Variants in CASK observed in about 807,000 individuals in gnomAD.
The protein encoded by CASK is calcium/calmodulin dependent serine protein kinase.
A neutral mutation model predicts 82.9 loss-of-function variants in CASK; 4 were observed. That is an observed-to-expected ratio of 0.05 (90% CI 0.02 to 0.11). CASK has a LOEUF of 0.11. Ranked by LOEUF, CASK falls within the 10% of genes least tolerant of loss-of-function variation. CASK has a pLI of 1.00. For synonymous variants in CASK, 259 were observed against 253.5 expected, an observed-to-expected ratio of 1.02 and a Z score of -0.20; for missense variants, 358 against 720.9, an observed-to-expected ratio of 0.50 and a Z score of 5.76.
Position 41,811,105 on chromosome X carries a change from A to G in CASK, c.173-23822T>C, listed in dbSNP as rs1261523461. Reference sequence around the variant, plus strand: ...AGCAAGTCCTTAGAGACCTACAAAGAGACTTAGACTCCCACACAATAATAA... The same window carrying G: ...AGCAAGTCCTTAGAGACCTACAAAGGGACTTAGACTCCCACACAATAATAA... On this transcript the variant is annotated intron_variant, in intron 2 of 26. Coordinates refer to ENST00000378163, the MANE Select transcript of CASK (RefSeq NM_001367721.1). Among the ~76,000 whole-genome samples the G allele has an allele frequency of 3.6e-5, 4 of 111,482 alleles. 1 individual carries two copies. The highest frequency in any genetic ancestry group is 7.5e-5 in the Non-Finnish European group (4 of 53,091).
At chrX:41,528,594 C>T (rs2064748378) in intron 25 of CASK, among the ~76,000 whole-genome samples, 1 of 112,500 alleles carries the variant, frequency 8.9e-6, no homozygotes. Flanking sequence ...TTCATCCTCA[C>T]CATCTTGTCT....
intron 8 of CASK, among the ~76,000 whole-genome samples, chrX:41,643,786 C>T (rs924571932): frequency 9.0e-6 from 1 of 111,608 alleles, no homozygotes; most frequent in African/African-American, 3.3e-5. Context: ...GCCTGATTGC[C>T]CTGGCCAGAA....
chrX:41,610,609 GT>G (rs1018348388), intron 11 of CASK, among the ~76,000 whole-genome samples: 4 of 110,769 alleles, frequency 3.6e-5, no homozygotes, highest in African/African-American at 9.9e-5. Context: ...TTCTCATTCT[GT>G]TTTACTCTTA....
intron 3 of CASK, among the ~76,000 whole-genome samples, chrX:41,774,113 A>T (rs2069302636): frequency 8.9e-6 from 1 of 111,759 alleles, no homozygotes; most frequent in African/African-American, 3.3e-5. Flanking sequence ...GGAGAAGGAA[A>T]TAAAGGGTAT....
intron 5 of CASK, among the ~76,000 whole-genome samples, chrX:41,715,606 G>T: frequency 9.7e-6 from 1 of 102,997 alleles, no homozygotes; most frequent in East Asian, 3.1e-4. Context: ...CAGGAGACAA[G>T]AGCAAAACTC....
intron 3 of CASK, among the ~76,000 whole-genome samples, chrX:41,781,394 C>T (rs1012571085): frequency 6.6e-4 from 74 of 112,684 alleles, no homozygotes; most frequent in African/African-American, 2.4e-3. Flanking sequence ...ACTCATGATC[C>T]AAATATGCTG....
intron 5 of CASK, among the ~76,000 whole-genome samples, chrX:41,713,733 G>A (rs1264895035): frequency 1.8e-5 from 2 of 111,593 alleles, no homozygotes; most frequent in Admixed American, 9.5e-5. Context: ...ACATTGATGG[G>A]GTGAAACTAA....
In CASK at chrX:41,531,041, T is replaced by C. The variant is rs759736132; in HGVS notation, c.2486A>G (p.Gln829Arg). ...CACGTCCAGTATTGCAATCAGCCCCTGCTCGTGGATCTTCCGGATGGTCTC... is the reference window on the plus strand; with the variant it reads ...CACGTCCAGTATTGCAATCAGCCCCCGCTCGTGGATCTTCCGGATGGTCTC... Reference protein sequence around the residue: ...KLETIRKIHEQGLIAILDVEP... With the variant: ...KLETIRKIHERGLIAILDVEP... The change falls in exon 25 of 27, where the codon CAG becomes CGG. Residue 829 changes from glutamine to arginine, a missense_variant. Physicochemically the swap from Gln to Arg is conservative, Grantham distance 43 (BLOSUM62 1). Around this residue, in one of 5 missense-constraint regions of CASK, gnomAD observed 118 missense variants for 169.4 expected, o/e 0.70. Transcript: ENST00000378163. 2.1e-5 allele frequency: 26 copies of C among 1,210,246 alleles called. No homozygotes were observed. Among genetic ancestry groups the C allele is most frequent in the Non-Finnish European group, 2.2e-5 (20 of 895,215 alleles).
chrX:41,523,312 A>T (rs1403988991), intron 26 of CASK, among the ~76,000 whole-genome samples: 1 of 112,458 alleles, frequency 8.9e-6, no homozygotes, highest in Non-Finnish European at 1.9e-5. Context: ...CCAAGCCATG[A>T]TTTAATTAGA....
chrX:41,830,692 T>C (rs944896863), intron 2 of CASK, among the ~76,000 whole-genome samples: 79 of 107,146 alleles, frequency 7.4e-4, no homozygotes, highest in Middle Eastern at 4.8e-3. Context: ...TGGTGGCGGG[T>C]GCCTGTAGTC....
intron 9 of CASK, among the ~76,000 whole-genome samples, chrX:41,627,848 C>T (rs1184021321): frequency 9.0e-6 from 1 of 111,469 alleles, no homozygotes; most frequent in African/African-American, 3.3e-5. Flanking sequence ...ACTAAAAATA[C>T]AGAAAATTAG....
chrX:41,639,217 G>A (rs2066608051), intron 8 of CASK, among the ~76,000 whole-genome samples: 1 of 109,235 alleles, frequency 9.2e-6, no homozygotes, highest in Admixed American at 9.9e-5. Context: ...GGGACTACAG[G>A]TGTGCACCAC....
intron 5 of CASK, among the ~76,000 whole-genome samples, chrX:41,739,025 T>C (rs1433390559): frequency 8.9e-6 from 1 of 112,349 alleles, no homozygotes; most frequent in African/African-American, 3.2e-5. Flanking sequence ...ATGTTATGAT[T>C]AACTTTTACT....
At chrX:41,532,951 C>T (rs986290787) in intron 24 of CASK, among the ~76,000 whole-genome samples, 3 of 111,072 alleles carry the variant, frequency 2.7e-5, no homozygotes, top group African/African-American at 6.6e-5. Flanking sequence ...GCTGGGACTA[C>T]AGGTGTGTGC....
chrX:41,739,524 C>A, intron 4 of CASK, 68 bp from the exon 5 acceptor site: 1 of 697,423 alleles, frequency 1.4e-6, no homozygotes, highest in East Asian at 3.3e-5. Flanking sequence ...ATACAGTGCT[C>A]CTAGTTTATA....
intron 22 of CASK, among the ~76,000 whole-genome samples, chrX:41,538,618 C>T (rs2064907203): frequency 1.8e-5 from 2 of 112,158 alleles, no homozygotes; most frequent in Admixed American, 1.9e-4. Context: ...TTCAGAAATA[C>T]TGTCTAGCAT....
At chrX:41,545,282 C>T (rs1319839102) in intron 21 of CASK, among the ~76,000 whole-genome samples, 1 of 112,437 alleles carries the variant, frequency 8.9e-6, no homozygotes, top group Admixed American at 9.4e-5. Context: ...CTGCCTTGGT[C>T]TCCCAAAATG....
chrX:41,626,567 T>C, intron 10 of CASK, 37 bp downstream of exon 10: 1 of 880,048 alleles, frequency 1.1e-6, no homozygotes, highest in Non-Finnish European at 1.7e-6. Flanking sequence ...AAATGCCAAA[T>C]GACCCACACA....
intron 1 of CASK, among the ~76,000 whole-genome samples, chrX:41,855,813 A>G (rs1256421819): frequency 8.9e-6 from 1 of 112,542 alleles, no homozygotes; most frequent in Non-Finnish European, 1.9e-5. Context: ...ATGGAAAAAG[A>G]TAATTGACAG....
Sources: allele counts gnomAD v4.1 joint callset (sites outside exome capture counted in the v4.1 genomes callset), GRCh38; gene constraint gnomAD v4.1.1; regional missense constraint gnomAD v4.1.1; transcripts MANE v1.5; gene names NCBI Gene and HGNC (gene_info 2026-07-23, HGNC 2026-07-21).